The following EPCAM variants were observed in gnomAD, a reference collection of about 807,000 sequenced individuals.
EPCAM encodes adenocarcinoma-associated antigen.
A neutral mutation model predicts 40.0 loss-of-function variants in EPCAM; 39 were observed. The ratio of observed to expected loss-of-function variants is 0.98; its 90% CI spans 0.76 to 1.27. EPCAM has a LOEUF of 1.27. Among genes scored for constraint, EPCAM ranks in the 50% most tolerant of loss-of-function variants. EPCAM has a pLI of 0.00. For missense variants in EPCAM, 503 were observed against 381.2 expected (o/e 1.32, Z -2.66); for synonymous variants, 168 against 132.3 (o/e 1.27, Z -1.85).
chr2:47,385,550 C>G (rs115305264), intron 8 of EPCAM, among the ~76,000 whole-genome samples: 229 of 152,312 alleles, frequency 1.5e-3, no homozygotes, highest in African/African-American at 5.4e-3. Flanking sequence ...GATTTATTAT[C>G]TCTATGCCAG....
intron 4 of EPCAM, among the ~76,000 whole-genome samples, chr2:47,376,737 T>C (rs1256559226): frequency 1.3e-5 from 2 of 152,220 alleles, no homozygotes; most frequent in Non-Finnish European, 2.9e-5. Context: ...CACTGTGAAG[T>C]TACCATTCTC....
At chr2:47,384,842 G>C (rs1671695277) in intron 7 of EPCAM, among the ~76,000 whole-genome samples, 1 of 152,096 alleles carries the variant, frequency 6.6e-6, no homozygotes, top group Non-Finnish European at 1.5e-5. Flanking sequence ...GAGTAGCTGG[G>C]ACTACAGGTG....
chr2:47,372,601 G>A (rs1215085373), intron 1 of EPCAM, among the ~76,000 whole-genome samples: 1 of 151,960 alleles, frequency 6.6e-6, no homozygotes, highest in Non-Finnish European at 1.5e-5. Context: ...CTGAAACCCC[G>A]TCTCTACTAA....
intron 6 of EPCAM, among the ~76,000 whole-genome samples, chr2:47,379,461 A>G (rs933524310): frequency 6.6e-6 from 1 of 152,220 alleles, no homozygotes; most frequent in African/African-American, 2.4e-5. Context: ...GTTTGCTTCA[A>G]AATAATCTGG....
In EPCAM at chr2:47,380,047, T is replaced by C. The variant is rs11687953; in HGVS notation, c.858+78T>C. Reference sequence around the variant, plus strand: ...AGTAATAGTGGCTGGGCGCGGTGGCTCACCACACCTGTTATCCCTACACTT... The same window carrying C: ...AGTAATAGTGGCTGGGCGCGGTGGCCCACCACACCTGTTATCCCTACACTT... On this transcript the variant is annotated intron_variant, in intron 7 of 8. Coordinates refer to ENST00000263735, the MANE Select transcript of EPCAM (RefSeq NM_002354.3). The C allele has an allele frequency of 0.02, 31,216 of 1,547,928 alleles. 412 individuals are homozygous for C. Among genetic ancestry groups the C allele is most frequent in the Middle Eastern group, 0.041 (233 of 5,644 alleles).
At position 47,373,562 on chromosome 2, in the gene EPCAM, G is replaced by C. The variant is rs1290177872; in HGVS notation, c.176G>C (p.Cys59Ser). The part of the protein sequence containing the change: ...TSVGAQNTVI[C>S]SKLAAKCLVM... The stretch of plus-strand genomic sequence containing the variant: ...GTTGGTGCACAAAATACTGTCATTT[G>C]CTCAAAGCGTGAGTAAAATATCCTA... Residue 59 changes from cysteine (C) to serine (S), a missense_variant, in exon 2 of 9, where the codon TGC becomes TCC. Transcript: ENST00000263735. The C allele has an allele frequency of 6.2e-7, 1 of 1,606,866 alleles. No individual in the cohort carries two copies. The highest frequency in any genetic ancestry group is 1.7e-5 in the Admixed American group (1 of 59,976).
At chr2:47,373,629 G>A (rs1671342620) in intron 2 of EPCAM, 59 bp downstream of exon 2, 1 of 1,449,372 alleles carries the variant, frequency 6.9e-7, no homozygotes, top group South Asian at 1.2e-5. Flanking sequence ...TTCTTTAATT[G>A]ATGTGCCTTG....
In EPCAM at chr2:47,377,034, C is replaced by T. The variant is rs2103753345; in HGVS notation, c.512C>T (p.Thr171Ile). ...SLRTALQKEI[T>I]TRYQLDPKFI... is the part of the protein sequence containing the mutation. Reference sequence around the variant, plus strand: ...TACAGTGCACTTCAGAAGGAGATCACAACGCGTTATCAACTGGATCCAAAA... The same window carrying T: ...TACAGTGCACTTCAGAAGGAGATCATAACGCGTTATCAACTGGATCCAAAA... Residue 171 changes from threonine (T) to isoleucine (I), a missense_variant, in exon 5 of 9, where the codon ACA becomes ATA. Physicochemically the swap from Thr to Ile is moderately conservative, Grantham distance 89 (BLOSUM62 -1). Coordinates refer to ENST00000263735, the MANE Select transcript of EPCAM (RefSeq NM_002354.3). 6.2e-7 allele frequency: 1 copy of T among 1,610,794 alleles called. No individual in the cohort carries two copies. Among genetic ancestry groups the T allele is most frequent in the East Asian group, 2.2e-5 (1 of 44,842 alleles).
At chr2:47,373,601 T>A (rs1035557202) in intron 2 of EPCAM, 31 bp downstream of exon 2, 2 of 1,546,606 alleles carry the variant, frequency 1.3e-6, no homozygotes, top group Non-Finnish European at 1.8e-6. Flanking sequence ...ACCTGTAAGC[T>A]TTATTTTGAC....
rs1224707065 is a variant in EPCAM at position 47,386,741 on chromosome 2, A to G, written c.*128A>G. On this transcript the variant is annotated 3_prime_UTR_variant, in exon 9 of 9. Coordinates refer to ENST00000263735, the MANE Select transcript of EPCAM (RefSeq NM_002354.3). ...TAGTTTAACATCATATATTTGTAAT[A>G]GTGAAACCTGTACTCAAAATATAAG... 3 of 727,298 alleles carry G rather than the reference A, an allele frequency of 4.1e-6. No individual in the cohort carries two copies. The highest frequency in any genetic ancestry group is 7.1e-6 in the Non-Finnish European group (3 of 421,226). 45.1% of individuals were successfully genotyped at this position (727,298 alleles called of 1,614,324 possible). A position where few individuals can be genotyped will look rare whatever the true frequency, so the allele number is the denominator to read the frequency against.
intron 1 of EPCAM, among the ~76,000 whole-genome samples, chr2:47,373,233 A>C (rs1479972631): frequency 1.3e-5 from 2 of 150,566 alleles, no homozygotes; most frequent in Non-Finnish European, 3.0e-5. Context: ...AAAAAAAAAA[A>C]AACAGGAATG....
chr2:47,378,847 A>T, intron 5 of EPCAM, 106 bp from the exon 6 acceptor site: 1 of 690,190 alleles, frequency 1.4e-6, no homozygotes. Flanking sequence ...ATGCATGTAG[A>T]TTATAGAAAA....
chr2:47,383,910 T>G (rs1371938064), intron 7 of EPCAM, among the ~76,000 whole-genome samples: 1 of 151,906 alleles, frequency 6.6e-6, no homozygotes, highest in African/African-American at 2.4e-5. Flanking sequence ...GTGCTGTGAT[T>G]ATAGGCGTGA....
rs563810525 is a variant in EPCAM, at chr2:47,375,795, T to A, written c.491+496T>A. Among the ~76,000 whole-genome samples the A allele has an allele frequency of 2.6e-5, 4 of 151,612 alleles. No homozygotes were observed. The East Asian group carries it at 7.8e-4, about 29-fold the overall frequency. The stretch of plus-strand genomic sequence containing the variant: ...ATCTCAGCTCACTGCAACCTGCGCC[T>A]GCCGGTTTCAAGCGATTCTCCTGCC... On this transcript the variant is annotated intron_variant, in intron 4 of 8. Coordinates refer to ENST00000263735, the MANE Select transcript of EPCAM (RefSeq NM_002354.3).
At chr2:47,376,570 C>G (rs1257835663) in intron 4 of EPCAM, among the ~76,000 whole-genome samples, 1 of 152,094 alleles carries the variant, frequency 6.6e-6, no homozygotes, top group Non-Finnish European at 1.5e-5. Context: ...CTTGATGTTC[C>G]CTCTTAACTA....
intron 5 of EPCAM, among the ~76,000 whole-genome samples, chr2:47,378,598 G>A (rs754958024): frequency 3.9e-5 from 6 of 151,978 alleles, no homozygotes; most frequent in African/African-American, 1.5e-4. Flanking sequence ...CACTGCACCC[G>A]GCCTTACCTT....
rs778825812 is a variant in EPCAM, at chr2:47,379,944, C to T, written c.833C>T (p.Ala278Val). The T allele has an allele frequency of 1.2e-5, 19 of 1,613,108 alleles. No individual in the cohort carries two copies. The highest frequency in any genetic ancestry group is 1.7e-5 in the Admixed American group (1 of 59,876). The change falls in exon 7 of 9, where the codon GCA becomes GTA. Residue 278 changes from alanine (A) to valine (V), a missense_variant. Transcript: ENST00000263735. ...GCTGTTATTGTGGTTGTGGTGATAG[C>T]AGTTGTTGCTGGAATTGTTGTGCTG... is the stretch of plus-strand genomic sequence containing the variant. ...VIAVIVVVVIAVVAGIVVLVI... is the reference protein window; with the variant it reads ...VIAVIVVVVIVVVAGIVVLVI...
rs1671757420 is a variant in EPCAM at position 47,386,905 on chromosome 2, C to G, written c.*292C>G. 1 of 287,062 alleles carries G rather than the reference C, an allele frequency of 3.5e-6. No individual in the cohort carries two copies. The allele number at this position is 287,062 out of a possible 1,614,324, so 17.8% of individuals were successfully genotyped here. A position where few individuals can be genotyped will look rare whatever the true frequency, so the allele number is the denominator to read the frequency against. On this transcript the variant is annotated 3_prime_UTR_variant, in exon 9 of 9. Transcript: ENST00000263735. ...CATTCAAATGTGTGCATTAAATATG[C>G]TTCCACAGTAAAATCTGAAAAACTG...
At chr2:47,386,516 G>C (rs1671745747) in intron 8 of EPCAM, 56 bp from the exon 9 acceptor site, 1 of 1,337,004 alleles carries the variant, frequency 7.5e-7, no homozygotes, top group South Asian at 1.3e-5. Context: ...TTTTCAGAAT[G>C]AACAAAAGAT....
Sources: gnomAD v4.1 joint callset for allele counts (sites outside exome capture counted in the v4.1 genomes callset) on GRCh38, gnomAD v4.1.1 for gene constraint, MANE v1.5 for transcripts, NCBI Gene and HGNC (gene_info 2026-07-23, HGNC 2026-07-21) for gene names.